KLF8: variants seen among roughly 807,000 people sequenced by gnomAD.
The protein encoded by KLF8 is Krueppel-like factor 8.
KLF8 carries 10 observed loss-of-function variants against 18.2 expected under a neutral mutation model. The ratio of observed to expected loss-of-function variants is 0.55; its 90% CI spans 0.34 to 0.93. KLF8 has a LOEUF of 0.93. KLF8 is among the 40% of genes least tolerant of loss of function. The probability of loss-of-function intolerance (pLI) is 0.02; values close to 1 mark genes in which losing one functional copy is unlikely to be tolerated. For synonymous variants in KLF8, 109 were observed against 97.3 expected, an observed-to-expected ratio of 1.12 and a Z score of -0.71; for missense variants, 264 against 277.9, an observed-to-expected ratio of 0.95 and a Z score of 0.36.
chrX:56,045,982 T>A, the KLF8 span, among the ~76,000 whole-genome samples: 1 of 111,975 alleles, frequency 8.9e-6, no homozygotes, highest in Non-Finnish European at 1.9e-5. Context: ...GGCTGTGGGT[T>A]TGTCAAAAGT....
chrX:56,134,263 A>G, the KLF8 span, among the ~76,000 whole-genome samples: 2 of 111,966 alleles, frequency 1.8e-5, no homozygotes, highest in Non-Finnish European at 3.8e-5. Flanking sequence ...CTGACTTCAA[A>G]CTATCCTATA....
At chrX:56,103,234 C>T in the KLF8 span, among the ~76,000 whole-genome samples, 1 of 110,235 alleles carries the variant, frequency 9.1e-6, no homozygotes, top group Non-Finnish European at 1.9e-5. Flanking sequence ...GTAGTTTTTT[C>T]CAATTCTGTG....
At chrX:56,085,509 G>A in the KLF8 span, among the ~76,000 whole-genome samples, 4 of 107,277 alleles carry the variant, frequency 3.7e-5, no homozygotes, top group African/African-American at 1.5e-4. Context: ...GTTCTATTCA[G>A]GCTCTCTATG....
chrX:56,176,273 CAGG>C, the KLF8 span, among the ~76,000 whole-genome samples: 3 of 111,829 alleles, frequency 2.7e-5, no homozygotes, highest in Non-Finnish European at 3.8e-5. Flanking sequence ...GTGCTTCCTT[CAGG>C]AGTTCTTTTA....
chrX:56,187,517 A>C, the KLF8 span, among the ~76,000 whole-genome samples: 3,715 of 111,766 alleles, frequency 0.033, 168 homozygotes, highest in African/African-American at 0.11. Context: ...TCCCTAACTC[A>C]TTTTATGAGG....
chrX:56,158,718 A>T, the KLF8 span, among the ~76,000 whole-genome samples: 1 of 111,886 alleles, frequency 8.9e-6, no homozygotes, highest in Non-Finnish European at 1.9e-5. Context: ...AATGCTTGTG[A>T]TTTTTGCACA....
the KLF8 span, among the ~76,000 whole-genome samples, chrX:55,998,197 C>T: frequency 3.6e-5 from 4 of 112,180 alleles, no homozygotes; most frequent in Non-Finnish European, 5.6e-5. Context: ...AACGTACAAT[C>T]GGGTTTTATA....
At chrX:55,916,595 A>G in the KLF8 span, among the ~76,000 whole-genome samples, 3 of 110,432 alleles carry the variant, frequency 2.7e-5, no homozygotes, top group African/African-American at 1.0e-4. Context: ...AAAGGGTAAC[A>G]GGCATGGATG....
chrX:56,012,189 A>C, the KLF8 span, among the ~76,000 whole-genome samples: 13 of 112,124 alleles, frequency 1.2e-4, no homozygotes, highest in African/African-American at 3.6e-4. Context: ...CTGAATATTG[A>C]TGCCAAAATT....
chrX:56,110,177 T>C, the KLF8 span, among the ~76,000 whole-genome samples: 1 of 112,065 alleles, frequency 8.9e-6, no homozygotes, highest in East Asian at 2.8e-4. Flanking sequence ...CTTTATCTGG[T>C]CTATCATTGA....
chrX:56,138,026 C>T, the KLF8 span, among the ~76,000 whole-genome samples: 1 of 81,179 alleles, frequency 1.2e-5, no homozygotes, highest in Non-Finnish European at 2.3e-5. Context: ...GTGGCCATTA[C>T]CACTGACCCC....
At chrX:56,045,720 G>A in the KLF8 span, among the ~76,000 whole-genome samples, 2 of 111,764 alleles carry the variant, frequency 1.8e-5, no homozygotes, top group Non-Finnish European at 3.8e-5. Flanking sequence ...CACTGTTAGT[G>A]TATAGCAGAG....
the KLF8 span, among the ~76,000 whole-genome samples, chrX:56,224,923 G>A: frequency 7.2e-5 from 8 of 111,361 alleles, no homozygotes; most frequent in African/African-American, 2.3e-4. Context: ...CTCCAGAGGG[G>A]ATGAACACTG....
chrX:56,233,260 C>G lies in KLF8; in HGVS notation c.-75C>G. On this transcript the variant is annotated 5_prime_UTR_variant, in exon 1 of 6. Coordinates refer to ENST00000468660, the MANE Select transcript of KLF8 (RefSeq NM_007250.5). ...GGGTGTGAGGGGAACAGCTCTCTTG[C>G]GATCAGCTCAGGAGTATGAGCCTCC... The G allele has an allele frequency of 8.5e-7, 1 of 1,180,666 alleles. No individual in the cohort carries two copies.
chrX:55,958,005 G>A, the KLF8 span, among the ~76,000 whole-genome samples: 1 of 112,098 alleles, frequency 8.9e-6, no homozygotes, highest in Admixed American at 9.4e-5. Flanking sequence ...AGCTTTAGAT[G>A]CAGGAATAGA....
the KLF8 span, among the ~76,000 whole-genome samples, chrX:56,202,892 G>A: frequency 4.7e-4 from 52 of 111,080 alleles, no homozygotes; most frequent in African/African-American, 1.6e-3. Flanking sequence ...AAACATAGAG[G>A]TTCAGATATC....
the KLF8 span, among the ~76,000 whole-genome samples, chrX:56,003,070 C>T: frequency 9.0e-6 from 1 of 111,107 alleles, no homozygotes; most frequent in Non-Finnish European, 1.9e-5. Context: ...CCTTCTCTGT[C>T]CCTGACTATG....
chrX:56,025,505 T>C, the KLF8 span, among the ~76,000 whole-genome samples: 1 of 111,990 alleles, frequency 8.9e-6, no homozygotes, highest in Non-Finnish European at 1.9e-5. Flanking sequence ...TGACACACAT[T>C]TGTACATGAA....
At chrX:56,088,642 T>A in the KLF8 span, among the ~76,000 whole-genome samples, 12 of 111,841 alleles carry the variant, frequency 1.1e-4, no homozygotes, top group Admixed American at 1.1e-3. Context: ...ACTTTTATAA[T>A]TCTGTTTCAT....
Sources: gnomAD v4.1 joint callset for allele counts (sites outside exome capture counted in the v4.1 genomes callset) on GRCh38, gnomAD v4.1.1 for gene constraint, MANE v1.5 for transcripts, NCBI Gene and HGNC (gene_info 2026-07-23, HGNC 2026-07-21) for gene names.